RBFOX2: variants seen among roughly 807,000 people sequenced by gnomAD.
The protein encoded by RBFOX2 is RNA binding protein fox-1 homolog 2.
RBFOX2 carries 10 observed loss-of-function variants against 49.1 expected under a neutral mutation model. The ratio of observed to expected loss-of-function variants is 0.20; its 90% CI spans 0.13 to 0.35. The LOEUF is 0.35. Ranked by LOEUF, RBFOX2 falls within the 10% of genes least tolerant of loss-of-function variation. The pLI, the probability that RBFOX2 is intolerant of heterozygous loss-of-function variation, is 1.00. For synonymous variants in RBFOX2, 183 were observed against 187.4 expected, an observed-to-expected ratio of 0.98 and a Z score of 0.19; for missense variants, 323 against 486.9, an observed-to-expected ratio of 0.66 and a Z score of 3.17.
chr22:35,775,316 C>T (rs1943610436), intron 4 of RBFOX2, among the ~76,000 whole-genome samples: 1 of 152,094 alleles, frequency 6.6e-6, no homozygotes, highest in African/African-American at 2.4e-5. Context: ...TGTATCAGTC[C>T]TTGAAGGCAG....
intron 1 of RBFOX2, among the ~76,000 whole-genome samples, chr22:35,820,548 T>C (rs1721121580): frequency 6.6e-6 from 1 of 152,190 alleles, no homozygotes; most frequent in Non-Finnish European, 1.5e-5. Context: ...ACCTAATACT[T>C]AACTCTATTA....
At position 35,882,676 on chromosome 22, in the gene RBFOX2, T is replaced by C. The variant is rs185514015; in HGVS notation, c.-34+56171A>G. Reference sequence around the variant, plus strand: ...TAGGACCTAGTATACAACTGGAAGGTTCACCTTATATAGGAATGCAAATGC... The same window carrying C: ...TAGGACCTAGTATACAACTGGAAGGCTCACCTTATATAGGAATGCAAATGC... On this transcript the variant is annotated intron_variant, in intron 1 of 13. Coordinates refer to the RBFOX2 transcript ENST00000359369. Among the ~76,000 whole-genome samples the C allele has an allele frequency of 3.9e-5, 6 of 152,222 alleles. No individual in the cohort carries two copies. In the East Asian group the frequency reaches 1.2e-3, roughly 29 times the overall value.
chr22:35,799,957 G>T (rs1254982810), intron 2 of RBFOX2, among the ~76,000 whole-genome samples: 1 of 151,660 alleles, frequency 6.6e-6, no homozygotes, highest in South Asian at 2.1e-4. Flanking sequence ...CTACCTCAAA[G>T]ACCCCCTTCC....
chr22:35,837,389 C>T (rs879502300), intron 1 of RBFOX2, among the ~76,000 whole-genome samples: 3 of 152,116 alleles, frequency 2.0e-5, no homozygotes, highest in Non-Finnish European at 4.4e-5. Context: ...AACCGTTTAA[C>T]TTTGAAAACC....
Position 35,745,920 on chromosome 22 carries a change from T to C in RBFOX2, c.1049+3A>G, listed in dbSNP as rs895218675. 5.0e-6 allele frequency: 8 copies of C among 1,610,954 alleles called. No homozygotes were observed. The African/African-American group carries it at 8.0e-5, about 16-fold the overall frequency. ...ATAAAGCAATGGTATATTATATACT[T>C]ACCACAGCGCCAACTCCATAGCTAG... is the stretch of plus-strand genomic sequence containing the variant. On this transcript the variant is annotated splice_donor_region_variant and intron_variant, in intron 11 of 11. Transcript: ENST00000405409.
At chr22:35,958,975 AT>A (rs2055900829) in intron 1 of RBFOX2, among the ~76,000 whole-genome samples, 1 of 151,900 alleles carries the variant, frequency 6.6e-6, no homozygotes, top group African/African-American at 2.4e-5. Context: ...ATATATATAT[AT>A]TGTGTAAAGC....
chr22:36,021,073 A>G (rs1332190781), intron 1 of RBFOX2, among the ~76,000 whole-genome samples: 6 of 152,164 alleles, frequency 3.9e-5, no homozygotes, highest in Admixed American at 3.9e-4. Context: ...GCCCTAAAAA[A>G]GGATGAGTTC....
chr22:35,904,060 G>A (rs2048871815), intron 1 of RBFOX2, among the ~76,000 whole-genome samples: 1 of 152,116 alleles, frequency 6.6e-6, no homozygotes, highest in African/African-American at 2.4e-5. Flanking sequence ...TAAAGACACT[G>A]ATTTTGTGTC....
upstream of RBFOX2, among the ~76,000 whole-genome samples, chr22:35,844,762 T>A (rs1392222065): frequency 6.6e-6 from 1 of 151,422 alleles, no homozygotes; most frequent in East Asian, 2.0e-4. Flanking sequence ...CGTCTTGGCC[T>A]CCCAAAGTGC....
At chr22:35,766,350 T>C (rs1439633046) in intron 5 of RBFOX2, among the ~76,000 whole-genome samples, 2 of 152,214 alleles carry the variant, frequency 1.3e-5, no homozygotes, top group Non-Finnish European at 2.9e-5. Context: ...TGTCAGGTCA[T>C]AAAACATGCC....
upstream of RBFOX2, among the ~76,000 whole-genome samples, chr22:35,942,721 C>CT (rs1325691434): frequency 1.4e-5 from 2 of 139,480 alleles, no homozygotes; most frequent in South Asian, 2.3e-4. Context: ...CATCCCATCT[C>CT]TTAAAAAAAA....
At chr22:35,842,329 T>C (rs936349715), upstream of RBFOX2, among the ~76,000 whole-genome samples, 7 of 152,142 alleles carry the variant, frequency 4.6e-5, no homozygotes, top group Admixed American at 4.6e-4. Context: ...CTGAGTAAAG[T>C]AATATAGATA....
intron 1 of RBFOX2, among the ~76,000 whole-genome samples, chr22:35,987,787 G>A (rs2057785515): frequency 6.6e-6 from 1 of 152,110 alleles, no homozygotes; most frequent in Non-Finnish European, 1.5e-5. Flanking sequence ...AGCTCCCAAT[G>A]GTCACAGATG....
At chr22:35,965,962 C>T (rs77476696), upstream of RBFOX2, among the ~76,000 whole-genome samples, 3,135 of 152,218 alleles carry the variant, frequency 0.021, 52 homozygotes, top group Non-Finnish European at 0.029. Flanking sequence ...ACCATCCCCC[C>T]GCCCCCTGCC....
intron 1 of RBFOX2, among the ~76,000 whole-genome samples, chr22:36,016,873 G>A (rs911349963): frequency 2.0e-5 from 3 of 152,226 alleles, no homozygotes; most frequent in Middle Eastern, 3.2e-3. Context: ...TCAGAAGGAA[G>A]TGATATATTA....
chr22:35,959,719 A>C (rs2055990470), intron 1 of RBFOX2, among the ~76,000 whole-genome samples: 1 of 152,196 alleles, frequency 6.6e-6, no homozygotes, highest in Non-Finnish European at 1.5e-5. Context: ...ACCTGGGAAT[A>C]ATCTAAAAAC....
intron 1 of RBFOX2, among the ~76,000 whole-genome samples, chr22:35,923,343 T>TTTTCC (rs141737341): frequency 0.077 from 11,724 of 152,136 alleles, 468 homozygotes; most frequent in South Asian, 0.085. Flanking sequence ...TTTTTTTTCT[T>TTTTCC]TTTTCTTTTT....
At chr22:35,928,285 A>G (rs1434512430) in intron 1 of RBFOX2, among the ~76,000 whole-genome samples, 1 of 152,182 alleles carries the variant, frequency 6.6e-6, no homozygotes, top group Non-Finnish European at 1.5e-5. Context: ...CTGTCTGCAG[A>G]GAAATTGCCA....
chr22:35,965,780 CCTA>C (rs1041580047), upstream of RBFOX2, among the ~76,000 whole-genome samples: 89 of 152,294 alleles, frequency 5.8e-4, no homozygotes, highest in African/African-American at 1.9e-3. Context: ...ACACTCACAT[CCTA>C]CAAGCTCGAC....
Sources: gnomAD v4.1 joint callset for allele counts (sites outside exome capture counted in the v4.1 genomes callset) on GRCh38, gnomAD v4.1.1 for gene constraint, MANE v1.5 for transcripts, NCBI Gene and HGNC (gene_info 2026-07-23, HGNC 2026-07-21) for gene names.